Variants in RCCD1 observed in about 807,000 individuals in gnomAD.
RCCD1 encodes the protein RCC1 domain-containing protein 1.
Under a neutral mutation model 37.6 loss-of-function variants are expected in RCCD1, and 40 were observed. That is an observed-to-expected ratio of 1.06 (90% CI 0.83 to 1.39). The LOEUF is 1.39. RCCD1 is among the 40% of genes most tolerant of loss of function. The pLI, the probability that RCCD1 is intolerant of heterozygous loss-of-function variation, is 0.00. For missense variants in RCCD1, 577 were observed against 517.3 expected (o/e 1.12, Z -1.12); for synonymous variants, 263 against 230.0 (o/e 1.14, Z -1.30).
intron 6 of RCCD1, 28 bp downstream of exon 6, chr15:90,960,526 C>G: frequency 6.3e-7 from 1 of 1,587,584 alleles, no homozygotes; most frequent in South Asian, 1.1e-5. Flanking sequence ...GCACTCTGCT[C>G]CACTCGAGCT....
In RCCD1 at chr15:90,962,421, C is replaced by A. The variant is rs2037333843; in HGVS notation, c.*652C>A. On this transcript the variant is annotated 3_prime_UTR_variant, in exon 8 of 8. Transcript: ENST00000394258. ...CTTTGTGCAGTCTTCTGCACATGTG[C>A]ACAAGTTCCTTTGCAGAACATTGAG... The A allele has an allele frequency of 6.6e-6, 1 of 152,192 alleles. No homozygotes were observed. Among genetic ancestry groups the A allele is most frequent in the African/African-American group, 2.4e-5 (1 of 41,438 alleles). 9.4% of individuals were successfully genotyped at this position (152,192 alleles called of 1,614,324 possible).
chr15:90,960,283 G>C (rs376532761), intron 5 of RCCD1, 45 bp from the exon 6 acceptor site: 2 of 1,541,372 alleles, frequency 1.3e-6, no homozygotes, highest in African/African-American at 2.7e-5. Flanking sequence ...ATAAGATTTA[G>C]CTCAGGGCTC....
At position 90,962,014 on chromosome 15, in the gene RCCD1, A is replaced by C. The variant is rs369990964; in HGVS notation, c.*245A>C. ...ATGAAACAATGAAACCAGAGCTTCT[A>C]GGTGTGTGGCCTGGATAGTGGTAGA... On this transcript the variant is annotated 3_prime_UTR_variant, in exon 8 of 8. Transcript: ENST00000394258. 1.1e-4 allele frequency: 33 copies of C among 294,732 alleles called. No individual in the cohort carries two copies. The highest frequency in any genetic ancestry group is 6.9e-4 in the African/African-American group (32 of 46,566). 18.3% of individuals were successfully genotyped at this position (294,732 alleles called of 1,614,324 possible). A position where few individuals can be genotyped will look rare whatever the true frequency, so the allele number is the denominator to read the frequency against.
intron 4 of RCCD1, among the ~76,000 whole-genome samples, chr15:90,959,186 C>A (rs747741614): frequency 1.3e-5 from 2 of 152,132 alleles, no homozygotes; most frequent in South Asian, 2.1e-4. Context: ...AAATAGGGAT[C>A]CTGCGTAAAT....
At chr15:90,960,082 C>A in intron 5 of RCCD1, 84 bp downstream of exon 5, 3 of 1,160,064 alleles carry the variant, frequency 2.6e-6, no homozygotes, top group Admixed American at 2.0e-5. Context: ...GGCCTCAGAG[C>A]TACACTGCTC....
At position 90,957,613 on chromosome 15, in the gene RCCD1, G is replaced by C; in HGVS notation, c.567G>C (p.Gln189His). The change falls in exon 4 of 8, where the codon CAG becomes CAC. Residue 189 changes from glutamine (Q) to histidine (H), a missense_variant. Coordinates refer to ENST00000394258, the MANE Select transcript of RCCD1 (RefSeq NM_001017919.2). The part of the protein sequence containing the change: ...VFSWGGGRHG[Q>H]LGHGTLEAEL... ...GGTCTCCCTTGCTCAGGCATGGACAGCTGGGCCATGGGACCCTGGAGGCAG... is the reference window on the plus strand; with the variant it reads ...GGTCTCCCTTGCTCAGGCATGGACACCTGGGCCATGGGACCCTGGAGGCAG... 6.2e-7 allele frequency: 1 copy of C among 1,614,124 alleles called. No homozygotes were observed. The highest frequency in any genetic ancestry group is 8.5e-7 in the Non-Finnish European group (1 of 1,180,026).
rs1048522224 is a variant in RCCD1, at chr15:90,962,661, C to G, written c.*892C>G. The G allele has an allele frequency of 2.6e-5, 4 of 152,174 alleles. No individual in the cohort carries two copies. The highest frequency in any genetic ancestry group is 9.7e-5 in the African/African-American group (4 of 41,450). The allele number at this position is 152,174 out of a possible 1,614,324, so 9.4% of individuals were successfully genotyped here. A position where few individuals can be genotyped will look rare whatever the true frequency, so the allele number is the denominator to read the frequency against. ...AGTCCCAGCACTTTGGGAGGCTAAG[C>G]AGGGAGATTGCTTGAGGCGAAGAGT... On this transcript the variant is annotated 3_prime_UTR_variant, in exon 8 of 8. Coordinates refer to ENST00000394258, the MANE Select transcript of RCCD1 (RefSeq NM_001017919.2).
chr15:90,957,504 G>A lies in RCCD1; in HGVS notation c.557+1G>A. On this transcript the variant is annotated splice_donor_variant, in intron 3 of 7. Coordinates refer to ENST00000394258, the MANE Select transcript of RCCD1 (RefSeq NM_001017919.2). LOFTEE classifies it high-confidence loss of function. ...AGGTGTTCTCCTGGGGCGGGGGCAG[G>A]TGAGCGGAGGCGGGGGCAGGTGAGG... is the stretch of plus-strand genomic sequence containing the variant. 6.4e-7 allele frequency: 1 copy of A among 1,570,092 alleles called. No homozygotes were observed. Among genetic ancestry groups the A allele is most frequent in the Non-Finnish European group, 8.6e-7 (1 of 1,160,916 alleles).
At chr15:90,961,467 C>A in intron 7 of RCCD1, 151 bp from the exon 8 acceptor site, 2 of 863,754 alleles carry the variant, frequency 2.3e-6, no homozygotes, top group East Asian at 2.7e-5. Context: ...TCTTGGGGAT[C>A]CCCAAGGTTG....
At chr15:90,960,590 T>A in intron 6 of RCCD1, 92 bp downstream of exon 6, 1 of 1,258,252 alleles carries the variant, frequency 7.9e-7, no homozygotes, top group Non-Finnish European at 1.1e-6. Flanking sequence ...TTAAGGCTTC[T>A]GTGGCTCATA....
chr15:90,960,640 CTTG>C (rs2037296937), intron 6 of RCCD1, 142 bp downstream of exon 6: 3 of 777,568 alleles, frequency 3.9e-6, no homozygotes, highest in Admixed American at 2.9e-5. Context: ...CCCCAACCCC[CTTG>C]TTGTTTCACA....
rs1453554468 is a variant in RCCD1, at chr15:90,963,002, G to T, written c.*1233G>T. The T allele has an allele frequency of 2.0e-5, 3 of 152,166 alleles. No homozygotes were observed. Among genetic ancestry groups the T allele is most frequent in the African/African-American group, 7.2e-5 (3 of 41,426 alleles). The allele number at this position is 152,166 out of a possible 1,614,324, so 9.4% of individuals were successfully genotyped here. On this transcript the variant is annotated 3_prime_UTR_variant, in exon 8 of 8. Coordinates refer to ENST00000394258, the MANE Select transcript of RCCD1 (RefSeq NM_001017919.2). Reference sequence around the variant, plus strand: ...TTCTTTATAGTTAAATTCTATTTGTGCATGTGTGTGTCTGTGGTTTAGCAA... The same window carrying T: ...TTCTTTATAGTTAAATTCTATTTGTTCATGTGTGTGTCTGTGGTTTAGCAA...
chr15:90,961,402 A>T (rs2037311582), intron 7 of RCCD1: 4 of 587,558 alleles, frequency 6.8e-6, no homozygotes, highest in Middle Eastern at 4.5e-4. Flanking sequence ...CTTAGCTTGG[A>T]TAGCAGGGAA....
chr15:90,958,055 G>A (rs551465044), intron 4 of RCCD1, among the ~76,000 whole-genome samples: 55 of 152,348 alleles, frequency 3.6e-4, no homozygotes, highest in Non-Finnish European at 6.8e-4. Flanking sequence ...CTGAGCCAAG[G>A]AAAACGCAGA....
rs1243781114 is a variant in RCCD1 at position 90,960,108 on chromosome 15, G to A, written c.778+110G>A. The A allele has an allele frequency of 5.0e-6, 5 of 1,004,998 alleles. No homozygotes were observed. The East Asian group carries it at 7.3e-5, about 15-fold the overall frequency. 62.3% of individuals were successfully genotyped at this position (1,004,998 alleles called of 1,614,324 possible). On this transcript the variant is annotated intron_variant, in intron 5 of 7. Coordinates refer to ENST00000394258, the MANE Select transcript of RCCD1 (RefSeq NM_001017919.2). Reference sequence around the variant, plus strand: ...TACACTGCTCAGATGGAGCATGTGAGCCCCTTATGGGAGGGAGCATTGGCA... The same window carrying A: ...TACACTGCTCAGATGGAGCATGTGAACCCCTTATGGGAGGGAGCATTGGCA...
intron 4 of RCCD1, 70 bp downstream of exon 4, chr15:90,957,795 T>C: frequency 6.5e-7 from 1 of 1,535,478 alleles, no homozygotes; most frequent in Non-Finnish European, 8.8e-7. Context: ...TTTTCCAGTT[T>C]GGGTGGGGGC....
At chr15:90,957,959 GCCCCTCCCCT>G (rs1344392581) in intron 4 of RCCD1, among the ~76,000 whole-genome samples, 1 of 152,156 alleles carries the variant, frequency 6.6e-6, no homozygotes, top group Non-Finnish European at 1.5e-5. Flanking sequence ...TGGTCTCACT[GCCCCTCCCCT>G]CCTCTCCCCA....
intron 7 of RCCD1, chr15:90,961,263 G>C: frequency 1.7e-6 from 1 of 602,996 alleles, no homozygotes; most frequent in Non-Finnish European, 3.0e-6. Flanking sequence ...AGAGGATATC[G>C]GTACCACCCG....
At chr15:90,957,961 C>T (rs148229581) in intron 4 of RCCD1, among the ~76,000 whole-genome samples, 3 of 152,338 alleles carry the variant, frequency 2.0e-5, no homozygotes, top group African/African-American at 7.2e-5. Flanking sequence ...GTCTCACTGC[C>T]CCTCCCCTCC....
Sources: gnomAD v4.1 joint callset for allele counts (sites outside exome capture counted in the v4.1 genomes callset) on GRCh38, gnomAD v4.1.1 for gene constraint, MANE v1.5 for transcripts, NCBI Gene and HGNC (gene_info 2026-07-23, HGNC 2026-07-21) for gene names.